The following MAP7 variants were observed in gnomAD, a reference collection of about 807,000 sequenced individuals.
MAP7 encodes the protein ensconsin.
A neutral mutation model predicts 94.8 loss-of-function variants in MAP7; 52 were observed. The ratio of observed to expected loss-of-function variants is 0.55; its 90% confidence interval spans 0.44 to 0.69. MAP7 has a LOEUF of 0.69. Among genes scored for constraint, MAP7 ranks in the 30% least tolerant of loss-of-function variants. The probability of loss-of-function intolerance (pLI) is 0.00; values close to 1 mark genes in which losing one functional copy is unlikely to be tolerated. For missense variants in MAP7, 940 were observed against 964.6 expected (o/e 0.97, Z 0.34); for synonymous variants, 350 against 357.0 (o/e 0.98, Z 0.22).
chr6:136,476,987 T>C (rs1218995595), intron 1 of MAP7, among the ~76,000 whole-genome samples: 1 of 152,222 alleles, frequency 6.6e-6, no homozygotes, highest in Non-Finnish European at 1.5e-5. Context: ...CAAATACTAA[T>C]TGATCCAGGC....
intron 1 of MAP7, among the ~76,000 whole-genome samples, chr6:136,540,488 C>G (rs980857071): frequency 7.2e-5 from 11 of 152,068 alleles, no homozygotes; most frequent in Non-Finnish European, 1.6e-4. Context: ...CAGAAATGTG[C>G]GTACATGTGG....
intron 1 of MAP7, among the ~76,000 whole-genome samples, chr6:136,518,902 C>G (rs780371662): frequency 6.6e-6 from 1 of 152,188 alleles, no homozygotes; most frequent in Non-Finnish European, 1.5e-5. Flanking sequence ...TTAGCTCCAT[C>G]AATTATAGCT....
intron 3 of MAP7, among the ~76,000 whole-genome samples, chr6:136,407,315 A>G (rs1229517912): frequency 6.6e-6 from 1 of 152,262 alleles, no homozygotes; most frequent in Non-Finnish European, 1.5e-5. Context: ...TAAATAGATA[A>G]AAATTCAGTA....
chr6:136,371,513 G>A (rs1327105984), intron 8 of MAP7, among the ~76,000 whole-genome samples: 1 of 152,218 alleles, frequency 6.6e-6, no homozygotes, highest in African/African-American at 2.4e-5. Context: ...AGAAAAACAG[G>A]CTGTAGGCAA....
intron 1 of MAP7, among the ~76,000 whole-genome samples, chr6:136,521,728 A>T (rs1001560402): frequency 2.0e-5 from 3 of 152,184 alleles, no homozygotes; most frequent in Admixed American, 2.0e-4. Flanking sequence ...CTCTTTGCCC[A>T]TTATTCTGTG....
At chr6:136,519,852 T>C (rs1411131914) in intron 1 of MAP7, among the ~76,000 whole-genome samples, 2 of 152,162 alleles carry the variant, frequency 1.3e-5, no homozygotes, top group East Asian at 1.9e-4. Flanking sequence ...TAGCACCTTG[T>C]AACTATATAC....
intron 1 of MAP7, among the ~76,000 whole-genome samples, chr6:136,462,202 G>A (rs1038289053): frequency 1.9e-4 from 29 of 151,486 alleles, no homozygotes; most frequent in Middle Eastern, 3.2e-3. Flanking sequence ...TATACCAGTG[G>A]TTGCACTTCA....
chr6:136,415,735 A>C (rs993082855), intron 2 of MAP7, among the ~76,000 whole-genome samples: 4 of 152,232 alleles, frequency 2.6e-5, no homozygotes, highest in Non-Finnish European at 5.9e-5. Context: ...ATATGTAAAA[A>C]ACCAAACTTT....
intron 1 of MAP7, among the ~76,000 whole-genome samples, chr6:136,466,494 A>G (rs1409652722): frequency 6.6e-6 from 1 of 152,248 alleles, no homozygotes; most frequent in Non-Finnish European, 1.5e-5. Context: ...TTTAATTTTC[A>G]TGGAAACTAT....
At chr6:136,483,284 A>C (rs148698427) in intron 1 of MAP7, among the ~76,000 whole-genome samples, 244 of 152,236 alleles carry the variant, frequency 1.6e-3, no homozygotes, top group African/African-American at 5.6e-3. Flanking sequence ...CGGAAAACCA[A>C]ATACTGCATG....
At chr6:136,344,634 A>G (rs912185197) in intron 17 of MAP7, among the ~76,000 whole-genome samples, 4 of 152,248 alleles carry the variant, frequency 2.6e-5, no homozygotes, top group African/African-American at 9.6e-5. Flanking sequence ...GTAAATCTGT[A>G]ACATGAGTAG....
intron 1 of MAP7, among the ~76,000 whole-genome samples, chr6:136,546,689 C>T (rs1333778574): frequency 6.6e-6 from 1 of 152,158 alleles, no homozygotes; most frequent in Non-Finnish European, 1.5e-5. Flanking sequence ...GTTCAACAGC[C>T]TTCTAACCAC....
rs3778306 is a variant in MAP7, at chr6:136,444,190, G to A, written c.68-22391C>T. On this transcript the variant is annotated intron_variant, in intron 1 of 17. Transcript: ENST00000354570. ...GAGAAATGAGCTTCGGAGCCATGGA[G>A]GTCTATGAGCCTCCTTCATCAGAAA... 5.0e-3 allele frequency among the ~76,000 whole-genome samples: 761 copies of A among 152,266 alleles called. 4 individuals are homozygous for A. The highest frequency in any genetic ancestry group is 0.039 in the East Asian group (202 of 5,182).
At chr6:136,384,835 GGCAAGAATTAGCAGCCT>G (rs1562337996) in intron 5 of MAP7, among the ~76,000 whole-genome samples, 1 of 152,078 alleles carries the variant, frequency 6.6e-6, no homozygotes, top group South Asian at 2.1e-4. Flanking sequence ...GCATACAAAA[GGCAAGAATTAGCAGCCT>G]GCTGTTGGTA....
At chr6:136,507,337 G>A (rs950750157) in intron 1 of MAP7, among the ~76,000 whole-genome samples, 1 of 151,756 alleles carries the variant, frequency 6.6e-6, no homozygotes, top group Non-Finnish European at 1.5e-5. Context: ...GAAAACAAGA[G>A]AGAAGGACGG....
chr6:136,349,990 A>C (rs920398139), intron 16 of MAP7, among the ~76,000 whole-genome samples: 1 of 152,158 alleles, frequency 6.6e-6, no homozygotes, highest in Non-Finnish European at 1.5e-5. Context: ...GGGAGGAGCA[A>C]ATGTAATTTA....
intron 12 of MAP7, 76 bp from the exon 13 acceptor site, chr6:136,360,874 G>C (rs541099995): frequency 1.1e-5 from 18 of 1,567,512 alleles, no homozygotes; most frequent in African/African-American, 2.7e-5. Flanking sequence ...GCCCAGAGGT[G>C]GGGGCGAGGT....
At chr6:136,376,713 C>T (rs749042779) in intron 7 of MAP7, among the ~76,000 whole-genome samples, 6 of 152,202 alleles carry the variant, frequency 3.9e-5, no homozygotes, top group Non-Finnish European at 5.9e-5. Flanking sequence ...CACTTATTGT[C>T]GCTGCACTTG....
intron 1 of MAP7, among the ~76,000 whole-genome samples, chr6:136,543,816 G>A (rs1829512857): frequency 6.6e-6 from 1 of 152,100 alleles, no homozygotes; most frequent in African/African-American, 2.4e-5. Flanking sequence ...ATTTAGGTTG[G>A]AGGCAGAGGA....
Sources: allele counts gnomAD v4.1 joint callset (sites outside exome capture counted in the v4.1 genomes callset), GRCh38; gene constraint gnomAD v4.1.1; transcripts MANE v1.5; gene names NCBI Gene and HGNC (gene_info 2026-07-23, HGNC 2026-07-21).